Variants in SI observed in about 807,000 individuals in gnomAD.
SI encodes sucrase-isomaltase.
In SI, 235 loss-of-function variants were observed where a neutral mutation model predicts 253.3. That is an observed-to-expected ratio of 0.93 (90% CI 0.83 to 1.03). The LOEUF is 1.03. SI is among the 50% of genes least tolerant of loss of function. SI has a pLI of 0.00. For missense variants in SI, 2,442 were observed against 2,211.1 expected (o/e 1.10, Z -2.09); for synonymous variants, 819 against 712.0 (o/e 1.15, Z -2.39).
intron 1 of SI, among the ~76,000 whole-genome samples, chr3:165,076,555 C>T (rs886601942): frequency 6.6e-6 from 1 of 151,506 alleles, no homozygotes. Flanking sequence ...ACAATATTGT[C>T]GAAAAGAACA....
intron 24 of SI, 142 bp from the exon 25 acceptor site, chr3:165,031,009 A>G: frequency 8.2e-7 from 1 of 1,218,348 alleles, no homozygotes; most frequent in Non-Finnish European, 1.1e-6. Flanking sequence ...CAATTCTTCA[A>G]ATTAAATCAT....
intron 15 of SI, among the ~76,000 whole-genome samples, chr3:165,048,575 A>ATATATG (rs1267364121): frequency 2.8e-5 from 3 of 106,530 alleles, no homozygotes; most frequent in Non-Finnish European, 6.1e-5. Flanking sequence ...ATGTATATAT[A>ATATATG]TATATATATA....
intron 37 of SI, among the ~76,000 whole-genome samples, chr3:165,002,217 G>T (rs899777005): frequency 2.0e-5 from 3 of 151,600 alleles, no homozygotes; most frequent in Non-Finnish European, 4.4e-5. Context: ...GTAGATTTTT[G>T]AATGTATTTC....
At position 165,007,929 on chromosome 3, in the gene SI, AATTTAGTTCGTC is replaced by A. The variant is rs748011431; in HGVS notation, c.4237_4248del (p.Asp1413_Asn1416del). 1 of 1,589,378 alleles carries A rather than the reference AATTTAGTTCGTC, an allele frequency of 6.3e-7. No individual in the cohort carries two copies. The highest frequency in any genetic ancestry group is 8.6e-7 in the Non-Finnish European group (1 of 1,158,934). On this transcript the variant is annotated inframe_deletion, in exon 36 of 48. Transcript: ENST00000264382. The stretch of plus-strand genomic sequence containing the variant: ...ATTGTACCTGGGAAATAAGGTGGAT[AATTTAGTTCGTC>A]ATTTCTGCATTGATTAGTAGTTGTT...
chr3:165,003,914 C>T (rs1263045523), intron 37 of SI, among the ~76,000 whole-genome samples: 2 of 151,844 alleles, frequency 1.3e-5, no homozygotes, highest in Admixed American at 1.3e-4. Context: ...AACTAGAAAA[C>T]AAATAACAAA....
chr3:165,059,369 T>C (rs1713875618), intron 10 of SI, 70 bp from the exon 11 acceptor site: 1 of 1,415,192 alleles, frequency 7.1e-7, no homozygotes, highest in Admixed American at 1.7e-5. Context: ...AATCTTTAAC[T>C]CCATTGAACG....
At chr3:165,053,833 T>G (rs1168541441) in intron 13 of SI, among the ~76,000 whole-genome samples, 1 of 152,056 alleles carries the variant, frequency 6.6e-6, no homozygotes, top group Non-Finnish European at 1.5e-5. Flanking sequence ...CTAAAGAAAC[T>G]TTCAATATAG....
chr3:165,024,025 C>A (rs760787972), intron 25 of SI, among the ~76,000 whole-genome samples: 5 of 151,392 alleles, frequency 3.3e-5, no homozygotes, highest in African/African-American at 1.2e-4. Context: ...AAATGTCATA[C>A]ATTTTTTAAC....
intron 5 of SI, among the ~76,000 whole-genome samples, chr3:165,067,921 A>T (rs1049520057): frequency 1.3e-5 from 2 of 151,928 alleles, no homozygotes; most frequent in Admixed American, 6.6e-5. Context: ...AACTAAAAAG[A>T]AGCACTGAAA....
intron 17 of SI, among the ~76,000 whole-genome samples, chr3:165,042,520 TC>T (rs1270048590): frequency 6.6e-6 from 1 of 152,106 alleles, no homozygotes; most frequent in Non-Finnish European, 1.5e-5. Context: ...GTCTGGCACT[TC>T]TGCTCCTACC....
upstream of SI, among the ~76,000 whole-genome samples, chr3:165,083,135 C>A (rs1210192822): frequency 2.6e-5 from 4 of 151,880 alleles, no homozygotes; most frequent in Non-Finnish European, 4.4e-5. Flanking sequence ...TTATTATAAT[C>A]TAACCATTAA....
At chr3:165,013,912 A>G (rs1300150809) in intron 33 of SI, among the ~76,000 whole-genome samples, 1 of 152,000 alleles carries the variant, frequency 6.6e-6, no homozygotes, top group East Asian at 1.9e-4. Context: ...TTTTTTGTAG[A>G]TACAAAATCT....
chr3:165,003,909 G>T (rs1206350453), intron 37 of SI, among the ~76,000 whole-genome samples: 2 of 152,012 alleles, frequency 1.3e-5, no homozygotes, highest in Admixed American at 1.3e-4. Flanking sequence ...TAAACAACTA[G>T]AAAACAAATA....
intron 25 of SI, among the ~76,000 whole-genome samples, chr3:165,028,617 A>G (rs1712051123): frequency 6.6e-6 from 1 of 151,328 alleles, no homozygotes; most frequent in South Asian, 2.1e-4. Context: ...CAGAATAGAG[A>G]ACCCAGAATT....
intron 25 of SI, 71 bp from the exon 26 acceptor site, chr3:165,023,847 T>C (rs1313813764): frequency 6.8e-6 from 7 of 1,028,092 alleles, no homozygotes; most frequent in African/African-American, 6.4e-5. Context: ...AAAATTATAC[T>C]GACGTTTAGT....
rs942300090 is a variant in SI at position 165,057,317 on chromosome 3, C to T, written c.1398+1646G>A. 2.0e-5 allele frequency among the ~76,000 whole-genome samples: 3 copies of T among 151,458 alleles called. No individual in the cohort carries two copies. The East Asian group carries it at 5.9e-4, about 30-fold the overall frequency. On this transcript the variant is annotated intron_variant, in intron 12 of 47. Transcript: ENST00000264382. ...GAGGAGACAAAAAAAGAATAAAAAA[C>T]AATGAAGCATGGCTACAAGATGTAG...
rs148436185 is a variant in SI at position 165,048,815 on chromosome 3, C to T, written c.1715+312G>A. The stretch of plus-strand genomic sequence containing the variant: ...TACTTTTAATAGAGACTGGGTTTCG[C>T]CATGTTGGCCAGGCTGGTCTCAGAC... On this transcript the variant is annotated intron_variant, in intron 15 of 47. Transcript: ENST00000264382. 8.1e-3 allele frequency among the ~76,000 whole-genome samples: 1,234 copies of T among 151,972 alleles called. 18 individuals are homozygous for T. The highest frequency in any genetic ancestry group is 0.028 in the African/African-American group (1,160 of 41,462).
upstream of SI, among the ~76,000 whole-genome samples, chr3:165,082,111 A>G (rs1715349378): frequency 6.6e-6 from 1 of 151,950 alleles, no homozygotes; most frequent in Non-Finnish European, 1.5e-5. Context: ...ATTTCCAGAT[A>G]TCTTCAACAG....
chr3:165,030,883 A>T lies in SI; in HGVS notation c.2737-16T>A. The T allele has an allele frequency of 6.5e-7, 1 of 1,540,154 alleles. No homozygotes were observed. The highest frequency in any genetic ancestry group is 8.7e-7 in the Non-Finnish European group (1 of 1,148,470). On this transcript the variant is annotated splice_polypyrimidine_tract_variant and intron_variant, in intron 24 of 47. Coordinates refer to ENST00000264382, the MANE Select transcript of SI (RefSeq NM_001041.4). ...TTAGGAGAACCTTTGAAGACAAAAA[A>T]AAAAAAAGAAAAAAAGAAAAAAAAA...
Sources: gnomAD v4.1 joint callset for allele counts (sites outside exome capture counted in the v4.1 genomes callset) on GRCh38, gnomAD v4.1.1 for gene constraint, MANE v1.5 for transcripts, NCBI Gene and HGNC (gene_info 2026-07-23, HGNC 2026-07-21) for gene names.